The following GALNT13 variants were observed in gnomAD, a reference collection of about 807,000 sequenced individuals.
GALNT13 encodes the protein UDP-GalNAc:polypeptide N-acetylgalactosaminyltransferase 13.
Under a neutral mutation model 64.2 loss-of-function variants are expected in GALNT13, and 28 were observed. That is an observed-to-expected ratio of 0.44 (90% confidence interval 0.32 to 0.60). The LOEUF is 0.60. Ranked by LOEUF, GALNT13 falls within the 20% of genes least tolerant of loss-of-function variation. The pLI, the probability that GALNT13 is intolerant of heterozygous loss-of-function variation, is 0.05. For missense variants in GALNT13, 577 were observed against 669.8 expected (o/e 0.86, Z 1.53); for synonymous variants, 214 against 224.6 (o/e 0.95, Z 0.42).
At chr2:154,199,062 C>A (rs758166100) in intron 4 of GALNT13, among the ~76,000 whole-genome samples, 1 of 151,720 alleles carries the variant, frequency 6.6e-6, no homozygotes, top group South Asian at 2.1e-4. Context: ...ATCTAAGGAG[C>A]TGGACTCAGG....
At chr2:153,674,208 G>A in the GALNT13 span, among the ~76,000 whole-genome samples, 1 of 152,060 alleles carries the variant, frequency 6.6e-6, no homozygotes, top group African/African-American at 2.4e-5. Flanking sequence ...GTAGTTTAAA[G>A]TTCATATGGA....
chr2:153,099,536 A>G, the GALNT13 span, among the ~76,000 whole-genome samples: 2 of 152,344 alleles, frequency 1.3e-5, no homozygotes, highest in South Asian at 4.1e-4. Context: ...ATGCATTTAG[A>G]AAGATTTTAT....
intron 4 of GALNT13, among the ~76,000 whole-genome samples, chr2:154,168,211 A>G (rs1160472): frequency 0.15 from 22,246 of 152,106 alleles, 1,885 homozygotes; most frequent in South Asian, 0.21. Context: ...TCACATGATC[A>G]TAGAGGCCGA....
At chr2:153,329,341 G>T in the GALNT13 span, among the ~76,000 whole-genome samples, 8 of 152,170 alleles carry the variant, frequency 5.3e-5, no homozygotes, top group African/African-American at 7.2e-5. Context: ...AGTTCTTTGA[G>T]AAATTGCCAA....
chr2:153,254,305 G>A, the GALNT13 span, among the ~76,000 whole-genome samples: 125,571 of 151,950 alleles, frequency 0.83, 53,083 homozygotes, highest in African/African-American at 0.91. Flanking sequence ...CTGTGGGATC[G>A]GTGGTGATAT....
At chr2:154,375,274 C>T (rs968851003) in intron 9 of GALNT13, among the ~76,000 whole-genome samples, 1 of 152,070 alleles carries the variant, frequency 6.6e-6, no homozygotes, top group Admixed American at 6.6e-5. Flanking sequence ...AGGCTTGAGC[C>T]ACCGCATCCA....
chr2:154,154,999 A>C (rs765716867), intron 4 of GALNT13, among the ~76,000 whole-genome samples: 1 of 151,488 alleles, frequency 6.6e-6, no homozygotes, highest in East Asian at 1.9e-4. Context: ...GAAACACATA[A>C]ATGCCACTTT....
At chr2:153,891,765 C>A (rs1321951991) in intron 1 of GALNT13, among the ~76,000 whole-genome samples, 1 of 152,022 alleles carries the variant, frequency 6.6e-6, no homozygotes, top group African/African-American at 2.4e-5. Context: ...CCTTCAAAAG[C>A]TCTACAGGTT....
At chr2:153,744,776 A>T in the GALNT13 span, among the ~76,000 whole-genome samples, 1 of 152,150 alleles carries the variant, frequency 6.6e-6, no homozygotes, top group Non-Finnish European at 1.5e-5. Flanking sequence ...GATGGAACAG[A>T]TCCACTGGAG....
intron 3 of GALNT13, among the ~76,000 whole-genome samples, chr2:153,972,787 T>C (rs1332558195): frequency 6.6e-6 from 1 of 152,112 alleles, no homozygotes; most frequent in Non-Finnish European, 1.5e-5. Flanking sequence ...TGTCAAGGTA[T>C]TTCTTCCTTT....
intron 3 of GALNT13, among the ~76,000 whole-genome samples, chr2:154,088,834 G>A (rs1701660667): frequency 6.6e-6 from 1 of 152,112 alleles, no homozygotes; most frequent in African/African-American, 2.4e-5. Flanking sequence ...TTTTGTTCTT[G>A]ATACCAATTG....
chr2:153,223,051 T>C, the GALNT13 span, among the ~76,000 whole-genome samples: 1 of 152,250 alleles, frequency 6.6e-6, no homozygotes, highest in Non-Finnish European at 1.5e-5. Flanking sequence ...CTGCTGCAGC[T>C]CTGGCCTCTC....
chr2:153,475,373 G>A, the GALNT13 span, among the ~76,000 whole-genome samples: 1 of 152,264 alleles, frequency 6.6e-6, no homozygotes, highest in Admixed American at 6.5e-5. Context: ...ACATTTTGCA[G>A]GTTTTGGCTT....
the GALNT13 span, among the ~76,000 whole-genome samples, chr2:153,291,209 G>A: frequency 0.025 from 3,863 of 152,248 alleles, 152 homozygotes; most frequent in African/African-American, 0.087. Context: ...AGATATGCCA[G>A]TTGGGTACTA....
chr2:153,459,579 A>C, the GALNT13 span, among the ~76,000 whole-genome samples: 1 of 152,220 alleles, frequency 6.6e-6, no homozygotes, highest in Non-Finnish European at 1.5e-5. Flanking sequence ...TCTGACAAAA[A>C]TACAAAGCGA....
chr2:153,781,797 A>G, the GALNT13 span, among the ~76,000 whole-genome samples: 1 of 152,258 alleles, frequency 6.6e-6, no homozygotes, highest in Admixed American at 6.5e-5. Context: ...AATTACTCTA[A>G]ATTCTATAGA....
At chr2:153,431,041 T>C in the GALNT13 span, among the ~76,000 whole-genome samples, 2 of 151,558 alleles carry the variant, frequency 1.3e-5, no homozygotes, top group African/African-American at 4.9e-5. Context: ...TCTCAGCTAC[T>C]CTAGAGGCTG....
At chr2:153,693,560 C>T in the GALNT13 span, among the ~76,000 whole-genome samples, 171 of 152,074 alleles carry the variant, frequency 1.1e-3, no homozygotes, top group Non-Finnish European at 2.0e-3. Flanking sequence ...GGGAAAAACA[C>T]ACGTTACAAT....
intron 9 of GALNT13, among the ~76,000 whole-genome samples, chr2:154,358,002 T>C (rs2105276421): frequency 6.6e-6 from 1 of 152,250 alleles, no homozygotes; most frequent in East Asian, 1.9e-4. Flanking sequence ...AATTTGTGTA[T>C]ATCTGAGCTT....
Sources: allele counts gnomAD v4.1 joint callset (sites outside exome capture counted in the v4.1 genomes callset), GRCh38; gene constraint gnomAD v4.1.1; transcripts MANE v1.5; gene names NCBI Gene and HGNC (gene_info 2026-07-23, HGNC 2026-07-21).